The following CDH13 variants were observed in gnomAD, a reference collection of about 807,000 sequenced individuals.
CDH13 encodes the protein cadherin 13.
A neutral mutation model predicts 63.8 loss-of-function variants in CDH13; 24 were observed. The ratio of observed to expected loss-of-function variants is 0.38; its 90% CI spans 0.27 to 0.53. The LOEUF is 0.53. CDH13 is among the 20% of genes least tolerant of loss of function. The pLI, the probability that CDH13 is intolerant of heterozygous loss-of-function variation, is 0.85. For missense variants in CDH13, 1,049 were observed against 903.1 expected (o/e 1.16, Z -2.07); for synonymous variants, 503 against 355.3 (o/e 1.42, Z -4.67).
chr16:83,339,484 G>C (rs879478912), intron 5 of CDH13, among the ~76,000 whole-genome samples: 12 of 152,112 alleles, frequency 7.9e-5, no homozygotes, highest in African/African-American at 2.9e-4. Context: ...CTTTGTATCA[G>C]ACACTTTCAT....
At chr16:82,726,354 G>C (rs912868334) in intron 1 of CDH13, among the ~76,000 whole-genome samples, 1 of 152,214 alleles carries the variant, frequency 6.6e-6, no homozygotes, top group Non-Finnish European at 1.5e-5. Context: ...ATATAAGTGA[G>C]GATGTGACTG....
intron 3 of CDH13, among the ~76,000 whole-genome samples, chr16:83,051,093 C>T (rs76645151): frequency 6.6e-6 from 1 of 152,138 alleles, no homozygotes; most frequent in Non-Finnish European, 1.5e-5. Context: ...AATCTGCGTG[C>T]CTGTTACTAT....
intron 1 of CDH13, among the ~76,000 whole-genome samples, chr16:82,768,887 T>G (rs1033212786): frequency 2.0e-5 from 3 of 152,192 alleles, no homozygotes; most frequent in Non-Finnish European, 4.4e-5. Context: ...CTTTAATATT[T>G]TGTATTTTGC....
rs139068283 is a variant in CDH13, at chr16:83,240,408, C to T, written c.636+22911C>T. On this transcript the variant is annotated intron_variant, in intron 5 of 13. Coordinates refer to ENST00000567109, the MANE Select transcript of CDH13 (RefSeq NM_001257.5). ...TCTCTTTCACCAGGAATGCTGTAAA[C>T]AGATTGGAGGGGAATTCAGTGGAAG... 1.3e-4 allele frequency among the ~76,000 whole-genome samples: 20 copies of T among 152,152 alleles called. 1 individual carries two copies. The highest frequency in any genetic ancestry group is 1.3e-4 in the Non-Finnish European group (9 of 68,010).
At chr16:83,605,900 G>A (rs1297870577) in intron 8 of CDH13, among the ~76,000 whole-genome samples, 1 of 152,154 alleles carries the variant, frequency 6.6e-6, no homozygotes, top group Non-Finnish European at 1.5e-5. Context: ...AATTCTGCAG[G>A]AGAGGTGGCA....
chr16:83,793,077 T>G (rs558301310), intron 13 of CDH13, among the ~76,000 whole-genome samples: 1 of 152,154 alleles, frequency 6.6e-6, no homozygotes, highest in Non-Finnish European at 1.5e-5. Context: ...ACACAGCACA[T>G]GTATACTGAT....
chr16:82,871,644 A>G (rs907529051), intron 2 of CDH13, among the ~76,000 whole-genome samples: 4 of 140,152 alleles, frequency 2.9e-5, no homozygotes, highest in Non-Finnish European at 5.0e-5. Flanking sequence ...TTTGACTGTA[A>G]TCAACAGTAA....
chr16:83,220,516 C>T (rs2039665630), intron 5 of CDH13, among the ~76,000 whole-genome samples: 1 of 152,056 alleles, frequency 6.6e-6, no homozygotes, highest in East Asian at 1.9e-4. Context: ...AAGGAGAGAG[C>T]CGGGTGCAGC....
chr16:83,028,561 C>T (rs1203950360), intron 2 of CDH13, among the ~76,000 whole-genome samples: 2 of 152,144 alleles, frequency 1.3e-5, no homozygotes, highest in Non-Finnish European at 2.9e-5. Flanking sequence ...TGTCACAAGA[C>T]CTACGTAGAT....
chr16:83,704,835 G>T (rs1344198535), intron 10 of CDH13, among the ~76,000 whole-genome samples: 1 of 152,186 alleles, frequency 6.6e-6, no homozygotes, highest in Non-Finnish European at 1.5e-5. Flanking sequence ...CAGGAAAATA[G>T]TTTCAGCATG....
chr16:83,512,620 A>C (rs1337003596), intron 7 of CDH13, among the ~76,000 whole-genome samples: 1 of 150,860 alleles, frequency 6.6e-6, no homozygotes. Flanking sequence ...GTGAGCTGAG[A>C]TCATGCCACT....
chr16:82,846,495 A>C (rs1597786387), intron 1 of CDH13, among the ~76,000 whole-genome samples: 1 of 152,206 alleles, frequency 6.6e-6, no homozygotes, highest in South Asian at 2.1e-4. Flanking sequence ...CACAATTATT[A>C]GTTGTGTTTT....
chr16:83,715,434 A>T (rs1231573715), intron 10 of CDH13, among the ~76,000 whole-genome samples: 1 of 152,156 alleles, frequency 6.6e-6, no homozygotes, highest in Non-Finnish European at 1.5e-5. Context: ...TCGAGTATTT[A>T]TACTGGCTGC....
chr16:83,274,941 G>C lies in CDH13; in HGVS notation c.636+57444G>C, dbSNP rs189232895. 2.0e-5 allele frequency among the ~76,000 whole-genome samples: 3 copies of C among 152,254 alleles called. No individual in the cohort carries two copies. In the South Asian group the frequency reaches 6.2e-4, roughly 32 times the overall value. ...TGTGTTCAAATGGTGTCATCTCAGT[G>C]AGCCCTCCTCTGCCCCTCTTATTTA... is the stretch of plus-strand genomic sequence containing the variant. On this transcript the variant is annotated intron_variant, in intron 5 of 13. Coordinates refer to ENST00000567109, the MANE Select transcript of CDH13 (RefSeq NM_001257.5).
Position 82,627,022 on chromosome 16 carries a change from C to G in CDH13, c.-71C>G. The G allele has an allele frequency of 6.5e-7, 1 of 1,543,290 alleles. No homozygotes were observed. Among genetic ancestry groups the G allele is most frequent in the Non-Finnish European group, 8.8e-7 (1 of 1,138,362 alleles). The stretch of plus-strand genomic sequence containing the variant: ...AGAGCCTCTCCTCAAAGCCTGGCTC[C>G]CACGGAAAATATGCTCAGTGCAGCC... On this transcript the variant is annotated 5_prime_UTR_variant, in exon 1 of 14. Transcript: ENST00000567109.
chr16:83,048,931 T>G (rs985795226), intron 3 of CDH13, among the ~76,000 whole-genome samples: 10 of 152,084 alleles, frequency 6.6e-5, no homozygotes, highest in African/African-American at 2.4e-4. Context: ...TCCTTGCAAG[T>G]TCATACCTTA....
At chr16:82,955,855 G>C (rs888465111) in intron 2 of CDH13, among the ~76,000 whole-genome samples, 6 of 152,090 alleles carry the variant, frequency 3.9e-5, no homozygotes, top group African/African-American at 1.2e-4. Context: ...CTCCAGGAGG[G>C]GTTTGCAATG....
chr16:83,039,152 G>A (rs559720125), intron 3 of CDH13, among the ~76,000 whole-genome samples: 10 of 152,278 alleles, frequency 6.6e-5, no homozygotes, highest in East Asian at 3.9e-4. Flanking sequence ...GGCTATATAC[G>A]CTTGGATCCA....
chr16:82,674,812 C>T (rs139615059), intron 1 of CDH13, among the ~76,000 whole-genome samples: 1,963 of 152,192 alleles, frequency 0.013, 34 homozygotes, highest in African/African-American at 0.044. Context: ...GTTGGCGGGA[C>T]GGGGGCTGCC....
Sources: gnomAD v4.1 joint callset for allele counts (sites outside exome capture counted in the v4.1 genomes callset) on GRCh38, gnomAD v4.1.1 for gene constraint, MANE v1.5 for transcripts, NCBI Gene and HGNC (gene_info 2026-07-23, HGNC 2026-07-21) for gene names.